The following CPA5 variants were observed in gnomAD, a reference collection of about 807,000 sequenced individuals.
The protein encoded by CPA5 is carboxypeptidase A5.
In CPA5, 38 loss-of-function variants were observed where a neutral mutation model predicts 52.2. The observed-to-expected ratio is 0.73, with a 90% CI of 0.56 to 0.95. CPA5 has a LOEUF of 0.95. CPA5 is among the 40% of genes least tolerant of loss of function. The pLI, the probability that CPA5 is intolerant of heterozygous loss-of-function variation, is 0.00. For synonymous variants in CPA5, 198 were observed against 213.7 expected (o/e 0.93, Z 0.64); for missense variants, 519 against 566.7 (o/e 0.92, Z 0.86).
At chr7:130,354,566 G>GTAT (rs1197380718) in intron 5 of CPA5, among the ~76,000 whole-genome samples, 3 of 151,004 alleles carry the variant, frequency 2.0e-5, no homozygotes, top group Non-Finnish European at 4.4e-5. Context: ...GCCAATTTTT[G>GTAT]TATTATTATT....
Position 130,344,856 on chromosome 7 carries a change from C to T in CPA5, c.-501C>T, listed in dbSNP as rs1180404993. ...TCTCTTTTACTCTTATTCTTTCTCT[C>T]TCACTCTCTCTCTTTTCCCACCCTT... is the stretch of plus-strand genomic sequence containing the variant. On this transcript the variant is annotated 5_prime_UTR_variant, in exon 1 of 13. Transcript: ENST00000474905. 6.6e-6 allele frequency: 1 copy of T among 152,160 alleles called. No individual in the cohort carries two copies. Among genetic ancestry groups the T allele is most frequent in the Non-Finnish European group, 1.5e-5 (1 of 68,036 alleles). The allele number at this position is 152,160 out of a possible 1,614,324, so 9.4% of individuals were successfully genotyped here.
intron 11 of CPA5, 101 bp downstream of exon 11, chr7:130,367,672 G>A (rs755590437): frequency 9.8e-6 from 12 of 1,227,544 alleles, no homozygotes; most frequent in Middle Eastern, 5.2e-4. Context: ...TCTGAATGCA[G>A]GGGTCTGGGC....
At chr7:130,347,744 GC>G in intron 3 of CPA5, 21 bp from the exon 4 acceptor site, 1 of 1,602,602 alleles carries the variant, frequency 6.2e-7, no homozygotes, top group Non-Finnish European at 8.5e-7. Context: ...AGCTTCCTCC[GC>G]CCCTCCCTGT....
intron 5 of CPA5, among the ~76,000 whole-genome samples, chr7:130,354,220 G>A (rs986597233): frequency 1.3e-5 from 2 of 152,040 alleles, no homozygotes; most frequent in African/African-American, 2.4e-5. Context: ...GAGCCACCAC[G>A]CCAGACTGCT....
chr7:130,363,307 T>G (rs1584825834), intron 9 of CPA5, 112 bp from the exon 10 acceptor site: 1 of 807,688 alleles, frequency 1.2e-6, no homozygotes, highest in East Asian at 2.7e-5. Flanking sequence ...TCCTTCCCTT[T>G]GCTCCTCCCT....
downstream of CPA5, among the ~76,000 whole-genome samples, chr7:130,369,613 CTG>C (rs1554409663): frequency 6.6e-6 from 1 of 151,908 alleles, no homozygotes; most frequent in Non-Finnish European, 1.5e-5. Context: ...AAGAGCCAGG[CTG>C]TGTGTGTGTT....
rs1554402232 is a variant in CPA5 at position 130,346,563 on chromosome 7, T to C, written c.78T>C (p.Phe26=). 1.9e-6 allele frequency: 3 copies of C among 1,613,906 alleles called. No individual in the cohort carries two copies. In the African/African-American group the frequency reaches 4.0e-5, roughly 22 times the overall value. ...GGCGGACACTCCTGGTCTTCAGCTT[T>C]ATCCTGGCAGCAGCTTTGGGCCAAA... ...VDRRTLLVFS[F]ILAAALGQMN... Residue 26 remains phenylalanine (F), a synonymous_variant, in exon 3 of 13, where the codon TTT becomes TTC. Coordinates refer to ENST00000474905, the MANE Select transcript of CPA5 (RefSeq NM_080385.5).
chr7:130,372,300 T>C (rs1796302811), downstream of CPA5, among the ~76,000 whole-genome samples: 1 of 152,216 alleles, frequency 6.6e-6, no homozygotes, highest in African/African-American at 2.4e-5. Context: ...CACAGAAGAT[T>C]CTCTATATTT....
intron 5 of CPA5, among the ~76,000 whole-genome samples, chr7:130,351,555 G>C (rs1195537840): frequency 6.6e-6 from 1 of 152,086 alleles, no homozygotes; most frequent in Non-Finnish European, 1.5e-5. Context: ...AGCCAGGCAG[G>C]ATTTTCACCA....
intron 4 of CPA5, 145 bp downstream of exon 4, chr7:130,347,992 C>T (rs1315286958): frequency 3.2e-6 from 2 of 630,226 alleles, no homozygotes; most frequent in Non-Finnish European, 5.5e-6. Context: ...TCACACGTGG[C>T]TCCACTTCAG....
chr7:130,363,542 G>A, intron 10 of CPA5, 33 bp downstream of exon 10: 3 of 1,534,202 alleles, frequency 2.0e-6, no homozygotes, highest in Non-Finnish European at 2.7e-6. Context: ...GGCAGGGTTG[G>A]AGAAGAGGTG....
At chr7:130,367,223 C>T in intron 10 of CPA5, 149 bp from the exon 11 acceptor site, 1 of 657,378 alleles carries the variant, frequency 1.5e-6, no homozygotes, top group Non-Finnish European at 2.7e-6. Context: ...CATTTCTGCT[C>T]ACCTTTCCAT....
At chr7:130,371,801 A>T (rs950118821), downstream of CPA5, among the ~76,000 whole-genome samples, 5 of 151,694 alleles carry the variant, frequency 3.3e-5, no homozygotes, top group Non-Finnish European at 7.4e-5. Context: ...ATGTGATCTG[A>T]CTTCCTTGGC....
At chr7:130,373,359 T>G (rs541495280), downstream of CPA5, among the ~76,000 whole-genome samples, 2 of 151,648 alleles carry the variant, frequency 1.3e-5, no homozygotes, top group Non-Finnish European at 2.9e-5. Flanking sequence ...ACCAGCAAAA[T>G]TTATGAGCAT....
At position 130,367,411 on chromosome 7, in the gene CPA5, ACGGGC is replaced by A; in HGVS notation, c.880_884del (p.Gly294LeufsTer64). ...AGCAACCCCTGCTCAGAAACTTATC[ACGGGC>A]CCTCCCCTCAGTCGGAGCCGGAGGT... On this transcript the variant is annotated frameshift_variant, in exon 11 of 13. Coordinates refer to ENST00000474905, the MANE Select transcript of CPA5 (RefSeq NM_080385.5). LOFTEE classifies it high-confidence loss of function. 6.2e-7 allele frequency: 1 copy of A among 1,614,064 alleles called. No individual in the cohort carries two copies. Among genetic ancestry groups the A allele is most frequent in the Non-Finnish European group, 8.5e-7 (1 of 1,180,024 alleles).
downstream of CPA5, among the ~76,000 whole-genome samples, chr7:130,370,840 G>T (rs1554409850): frequency 6.6e-6 from 1 of 152,256 alleles, no homozygotes; most frequent in East Asian, 1.9e-4. Context: ...TGCCCAAGGA[G>T]TTCTGAGGTA....
intron 4 of CPA5, among the ~76,000 whole-genome samples, chr7:130,348,347 TATTA>T (rs1246813661): frequency 1.1e-4 from 16 of 152,222 alleles, no homozygotes; most frequent in Admixed American, 4.6e-4. Flanking sequence ...TAACTTTGAC[TATTA>T]CATAGAAGGG....
chr7:130,347,345 C>T lies in CPA5; in HGVS notation c.117-421C>T, dbSNP rs75202043. 1.5e-3 allele frequency among the ~76,000 whole-genome samples: 225 copies of T among 152,334 alleles called. 3 individuals carry two copies. In the East Asian group the frequency reaches 0.041, roughly 28 times the overall value. ...GTCGAGACAGACCATGGCCTTGGGG[C>T]CCCCTCGCGAAGAGCCCTTGGGGCC... is the stretch of plus-strand genomic sequence containing the variant. On this transcript the variant is annotated intron_variant, in intron 3 of 12. Coordinates refer to ENST00000474905, the MANE Select transcript of CPA5 (RefSeq NM_080385.5).
At chr7:130,360,880 C>T (rs1795753983) in intron 6 of CPA5, among the ~76,000 whole-genome samples, 1 of 152,212 alleles carries the variant, frequency 6.6e-6, no homozygotes, top group Non-Finnish European at 1.5e-5. Context: ...AGGCTCAGCA[C>T]ACACTGTTCT....
Sources: gnomAD v4.1 joint callset for allele counts (sites outside exome capture counted in the v4.1 genomes callset) on GRCh38, gnomAD v4.1.1 for gene constraint, MANE v1.5 for transcripts, NCBI Gene and HGNC (gene_info 2026-07-23, HGNC 2026-07-21) for gene names.